SPAG9: variants seen among roughly 807,000 people sequenced by gnomAD.
SPAG9 encodes sperm associated antigen 9, also known as C-Jun-amino-terminal kinase-interacting protein 4.
In SPAG9, 35 loss-of-function variants were observed where a neutral mutation model predicts 166.5. The ratio of observed to expected loss-of-function variants is 0.21; its 90% confidence interval spans 0.16 to 0.28. The LOEUF (loss-of-function observed/expected upper bound fraction) is 0.28. Ranked by LOEUF, SPAG9 falls within the 10% of genes least tolerant of loss-of-function variation. SPAG9 has a pLI of 1.00. For missense variants in SPAG9, 1,235 were observed against 1,603.3 expected, an observed-to-expected ratio of 0.77 and a Z score of 3.92; for synonymous variants, 534 against 565.5, an observed-to-expected ratio of 0.94 and a Z score of 0.79.
rs1205044673 is a variant in SPAG9 at position 51,095,914 on chromosome 17, TA to T, written c.304-16211del. ...ATATATACAGTGATATATATAGTGA[TA>T]TATATATAGTGATATATATAGTGAT... On this transcript the variant is annotated intron_variant, in intron 1 of 29. Transcript: ENST00000262013. Among the ~76,000 whole-genome samples the T allele has an allele frequency of 1.4e-5, 2 of 139,804 alleles. 1 individual carries two copies. The highest frequency in any genetic ancestry group is 3.0e-5 in the Non-Finnish European group (2 of 66,282). 91.7% of individuals were successfully genotyped at this position (139,804 alleles called of 152,430 possible).
intron 12 of SPAG9, among the ~76,000 whole-genome samples, chr17:51,003,915 A>G (rs889938076): frequency 2.0e-5 from 3 of 152,256 alleles, no homozygotes; most frequent in Non-Finnish European, 4.4e-5. Flanking sequence ...TAACAACAGC[A>G]TTGTAAAAAG....
At chr17:51,110,000 C>T (rs2049061785) in intron 1 of SPAG9, among the ~76,000 whole-genome samples, 1 of 152,198 alleles carries the variant, frequency 6.6e-6, no homozygotes, top group Non-Finnish European at 1.5e-5. Context: ...GCATTAGCTA[C>T]TACACTCGGC....
At chr17:51,091,547 C>T (rs76155131) in intron 1 of SPAG9, among the ~76,000 whole-genome samples, 454 of 151,898 alleles carry the variant, frequency 3.0e-3, no homozygotes, top group Non-Finnish European at 5.7e-3. Flanking sequence ...CCTGGAAATT[C>T]CAGAGAGTCC....
intron 8 of SPAG9, among the ~76,000 whole-genome samples, chr17:51,015,711 GA>G (rs924482661): frequency 3.1e-4 from 43 of 137,650 alleles, no homozygotes; most frequent in East Asian, 4.1e-4. Context: ...AAAGAATTTG[GA>G]AAAAAAAAAA....
intron 1 of SPAG9, among the ~76,000 whole-genome samples, chr17:51,095,837 T>C (rs1345992238): frequency 7.3e-6 from 1 of 137,342 alleles, no homozygotes; most frequent in Non-Finnish European, 1.6e-5. Context: ...GATATAGAGA[T>C]ATATAGTGAT....
intron 1 of SPAG9, among the ~76,000 whole-genome samples, chr17:51,111,122 AAAAAG>A (rs2049099262): frequency 6.6e-6 from 1 of 152,158 alleles, no homozygotes; most frequent in Non-Finnish European, 1.5e-5. Flanking sequence ...TCTCAAAAAA[AAAAAG>A]AAAAGAAAAC....
At chr17:50,991,800 T>G (rs1351050297) in intron 19 of SPAG9, among the ~76,000 whole-genome samples, 1 of 151,942 alleles carries the variant, frequency 6.6e-6, no homozygotes, top group African/African-American at 2.4e-5. Flanking sequence ...ATTTTTGTAT[T>G]TTTAGTAGAA....
At chr17:50,973,432 T>C (rs994911503) in intron 28 of SPAG9, among the ~76,000 whole-genome samples, 1 of 152,178 alleles carries the variant, frequency 6.6e-6, no homozygotes, top group Non-Finnish European at 1.5e-5. Context: ...AGGAAATGAC[T>C]ATACAAATAT....
intron 6 of SPAG9, 96 bp from the exon 7 acceptor site, chr17:51,021,461 C>A (rs1379884811): frequency 5.6e-6 from 6 of 1,072,232 alleles, no homozygotes; most frequent in Non-Finnish European, 7.8e-6. Context: ...AAAGAAAGTT[C>A]TATTTTTTTT....
intron 1 of SPAG9, among the ~76,000 whole-genome samples, chr17:51,096,235 G>A (rs2048644401): frequency 1.3e-5 from 2 of 151,354 alleles, no homozygotes; most frequent in Non-Finnish European, 2.9e-5. Flanking sequence ...TGTAGTCCCA[G>A]CTACTTGGGA....
intron 19 of SPAG9, among the ~76,000 whole-genome samples, chr17:50,993,220 G>A (rs780814278): frequency 5.3e-5 from 8 of 151,100 alleles, no homozygotes; most frequent in African/African-American, 4.9e-5. Context: ...GGAGGCTGAG[G>A]CAGGAGAATC....
In SPAG9 at chr17:50,965,029, G is replaced by T; in HGVS notation, c.*1243C>A. On this transcript the variant is annotated 3_prime_UTR_variant, in exon 30 of 30. Coordinates refer to ENST00000262013, the MANE Select transcript of SPAG9 (RefSeq NM_001130528.3). ...ATCTGCCTCAGCCTCCTAAAGTGTT[G>T]GGATTACAGGCGTGAGCCACCATGC... The T allele has an allele frequency of 6.5e-6, 1 of 153,348 alleles. No homozygotes were observed. Among genetic ancestry groups the T allele is most frequent in the Non-Finnish European group, 1.5e-5 (1 of 68,846 alleles). 9.5% of individuals were successfully genotyped at this position (153,348 alleles called of 1,614,324 possible). A position where few individuals can be genotyped will look rare whatever the true frequency, so the allele number is the denominator to read the frequency against.
At chr17:51,105,122 A>C (rs1161869055) in intron 1 of SPAG9, among the ~76,000 whole-genome samples, 2 of 151,972 alleles carry the variant, frequency 1.3e-5, no homozygotes, top group African/African-American at 4.8e-5. Context: ...ATAAATAAAT[A>C]AATAAATAAA....
rs373004587 is a variant in SPAG9 at position 50,964,587 on chromosome 17, C to CAAAA, written c.*1681_*1684dup. ...TGGGCAACAGAGCCAGACTCCGTCTCAAAAAAAAAAAAAAAAATCATATTT... is the reference window on the plus strand; with the variant it reads ...TGGGCAACAGAGCCAGACTCCGTCTCAAAAAAAAAAAAAAAAAAAAATCATATTT... On this transcript the variant is annotated 3_prime_UTR_variant, in exon 30 of 30. Coordinates refer to ENST00000262013, the MANE Select transcript of SPAG9 (RefSeq NM_001130528.3). The CAAAA allele has an allele frequency of 4.9e-4, 87 of 177,546 alleles. No homozygotes were observed. Among genetic ancestry groups the CAAAA allele is most frequent in the Middle Eastern group, 2.6e-3 (2 of 782 alleles). 11.0% of individuals were successfully genotyped at this position (177,546 alleles called of 1,614,324 possible).
At chr17:51,023,037 A>T (rs1374866638) in intron 6 of SPAG9, among the ~76,000 whole-genome samples, 2 of 149,212 alleles carry the variant, frequency 1.3e-5, no homozygotes, top group Non-Finnish European at 3.0e-5. Context: ...TTGGGTAAGT[A>T]ATGTATTCTT....
intron 21 of SPAG9, 141 bp from the exon 22 acceptor site, chr17:50,987,378 C>A: frequency 1.3e-6 from 1 of 742,576 alleles, no homozygotes; most frequent in Non-Finnish European, 2.0e-6. Context: ...ATCACTCTGT[C>A]ACCCAGGCTG....
chr17:51,089,647 TATATATATATATATATAC>T lies in SPAG9; in HGVS notation c.304-9961_304-9944del, dbSNP rs1194979257. Among the ~76,000 whole-genome samples the T allele has an allele frequency of 7.5e-3, 723 of 96,916 alleles. 15 individuals are homozygous for T. Among genetic ancestry groups the T allele is most frequent in the South Asian group, 0.012 (38 of 3,196 alleles). 63.6% of individuals were successfully genotyped at this position (96,916 alleles called of 152,430 possible). On this transcript the variant is annotated intron_variant, in intron 1 of 29. Coordinates refer to ENST00000262013, the MANE Select transcript of SPAG9 (RefSeq NM_001130528.3). ...ATATATATATATATATATATATATA[TATATATATATATATATAC>T]ACATACACACACACACTTTCTTTTT...
intron 4 of SPAG9, chr17:51,046,764 A>C: frequency 6.5e-7 from 1 of 1,535,124 alleles, no homozygotes; most frequent in Non-Finnish European, 8.7e-7. Context: ...GCTGCCACAA[A>C]AACAATGCCA....
chr17:51,079,709 TAAA>T lies in SPAG9; in HGVS notation c.304-8_304-6del. 1 of 1,515,742 alleles carries T rather than the reference TAAA, an allele frequency of 6.6e-7. No homozygotes were observed. The highest frequency in any genetic ancestry group is 1.2e-5 in the South Asian group (1 of 85,388). 93.9% of individuals were successfully genotyped at this position (1,515,742 alleles called of 1,614,324 possible). A position where few individuals can be genotyped will look rare whatever the true frequency, so the allele number is the denominator to read the frequency against. On this transcript the variant is annotated splice_region_variant and splice_polypyrimidine_tract_variant and intron_variant, in intron 1 of 29. Coordinates refer to ENST00000262013, the MANE Select transcript of SPAG9 (RefSeq NM_001130528.3). ...GTCTTCAAATTCAATGAATTTCTAA[TAAA>T]GAAGAACAATATAAATTTAATCAGA...
Sources: allele counts gnomAD v4.1 joint callset (sites outside exome capture counted in the v4.1 genomes callset), GRCh38; gene constraint gnomAD v4.1.1; transcripts MANE v1.5; gene names NCBI Gene and HGNC (gene_info 2026-07-23, HGNC 2026-07-21).